The following PTPRD variants were observed in gnomAD, a reference collection of about 807,000 sequenced individuals.
PTPRD encodes the protein protein tyrosine phosphatase receptor type D.
In PTPRD, 34 loss-of-function variants were observed where a neutral mutation model predicts 214.5. That is an observed-to-expected ratio of 0.16 (90% CI 0.12 to 0.21). The LOEUF is 0.21. Ranked by LOEUF, PTPRD falls within the 10% of genes least tolerant of loss-of-function variation. The pLI, the probability that PTPRD is intolerant of heterozygous loss-of-function variation, is 1.00. For missense variants in PTPRD, 2,545 were observed against 2,398.7 expected (o/e 1.06, Z -1.27); for synonymous variants, 1,128 against 845.7 (o/e 1.33, Z -5.79).
chr9:9,318,450 A>T (rs1231785731), intron 9 of PTPRD, among the ~76,000 whole-genome samples: 1 of 152,138 alleles, frequency 6.6e-6, no homozygotes, highest in East Asian at 1.9e-4. Context: ...CATAGTTTGA[A>T]GTAATGGTAT....
At chr9:9,829,189 T>C (rs549856571) in intron 5 of PTPRD, among the ~76,000 whole-genome samples, 3 of 151,976 alleles carry the variant, frequency 2.0e-5, no homozygotes, top group African/African-American at 7.2e-5. Flanking sequence ...TGAATTCAAA[T>C]TGGTGTTGAC....
intron 4 of PTPRD, among the ~76,000 whole-genome samples, chr9:9,973,083 T>G (rs898637263): frequency 3.0e-4 from 46 of 152,138 alleles, no homozygotes; most frequent in African/African-American, 1.0e-3. Context: ...AGTCTAGAAT[T>G]TAGTTACTCC....
At chr9:8,693,955 A>T (rs545800254) in intron 12 of PTPRD, among the ~76,000 whole-genome samples, 1 of 152,220 alleles carries the variant, frequency 6.6e-6, no homozygotes, top group African/African-American at 2.4e-5. Context: ...AGATGTTTTA[A>T]TAATTTAAAA....
At chr9:9,806,472 C>T (rs190476614) in intron 5 of PTPRD, among the ~76,000 whole-genome samples, 15 of 152,056 alleles carry the variant, frequency 9.9e-5, no homozygotes, top group Admixed American at 2.0e-4. Flanking sequence ...ACACCCTCCC[C>T]GCCCTTGTGA....
intron 3 of PTPRD, among the ~76,000 whole-genome samples, chr9:10,172,887 C>G (rs976663282): frequency 6.6e-6 from 1 of 152,020 alleles, no homozygotes; most frequent in East Asian, 1.9e-4. Flanking sequence ...GATGGATGAA[C>G]CTTACAGAGG....
chr9:9,521,896 G>A (rs766725043), intron 8 of PTPRD, among the ~76,000 whole-genome samples: 2 of 152,042 alleles, frequency 1.3e-5, no homozygotes, highest in Non-Finnish European at 2.9e-5. Context: ...AGTGGCTCAC[G>A]CCTGTAATCC....
At chr9:8,927,674 G>A (rs566146418) in intron 11 of PTPRD, among the ~76,000 whole-genome samples, 1 of 152,280 alleles carries the variant, frequency 6.6e-6, no homozygotes, top group African/African-American at 2.4e-5. Context: ...ACATATGTGT[G>A]CATGTGTCTT....
At chr9:10,509,509 C>G (rs2047237819) in intron 2 of PTPRD, among the ~76,000 whole-genome samples, 1 of 137,932 alleles carries the variant, frequency 7.2e-6, no homozygotes, top group Admixed American at 7.5e-5. Context: ...ATCTAATGAT[C>G]ATTATAGCTG....
chr9:9,498,392 A>AT (rs1270039734), intron 8 of PTPRD, among the ~76,000 whole-genome samples: 2 of 152,120 alleles, frequency 1.3e-5, no homozygotes, highest in South Asian at 2.1e-4. Context: ...CCATGCTGTA[A>AT]TTTAAATCCA....
intron 10 of PTPRD, among the ~76,000 whole-genome samples, chr9:9,041,626 T>C (rs2099640123): frequency 6.6e-6 from 1 of 152,176 alleles, no homozygotes; most frequent in African/African-American, 2.4e-5. Context: ...AACAGAACTA[T>C]ACCCTGAGGA....
intron 12 of PTPRD, among the ~76,000 whole-genome samples, chr9:8,712,192 T>G (rs77641337): frequency 6.6e-6 from 1 of 152,156 alleles, no homozygotes; most frequent in Admixed American, 6.6e-5. Flanking sequence ...CATAACTATA[T>G]TGAAGGAGAC....
At chr9:9,775,116 G>A (rs2098786650) in intron 5 of PTPRD, among the ~76,000 whole-genome samples, 1 of 152,164 alleles carries the variant, frequency 6.6e-6, no homozygotes, top group Admixed American at 6.5e-5. Flanking sequence ...TCATCAGTCT[G>A]TAACAGGCAT....
At chr9:8,321,621 C>A (rs1364413139) in intron 44 of PTPRD, among the ~76,000 whole-genome samples, 1 of 149,920 alleles carries the variant, frequency 6.7e-6, no homozygotes, top group Admixed American at 6.7e-5. Flanking sequence ...ACACATAACA[C>A]ATTTATGTAC....
chr9:9,824,872 C>G (rs1054066848), intron 5 of PTPRD, among the ~76,000 whole-genome samples: 3 of 151,864 alleles, frequency 2.0e-5, no homozygotes, highest in African/African-American at 7.3e-5. Context: ...TGTCCAGGCA[C>G]AAAAATGAAA....
chr9:8,735,129 T>G (rs189566994), intron 11 of PTPRD, among the ~76,000 whole-genome samples: 18 of 144,894 alleles, frequency 1.2e-4, no homozygotes, highest in East Asian at 4.0e-4. Context: ...AATAATTTGG[T>G]TTTTTTTTGT....
intron 9 of PTPRD, among the ~76,000 whole-genome samples, chr9:9,322,463 G>C (rs1966917996): frequency 6.6e-6 from 1 of 152,172 alleles, no homozygotes; most frequent in South Asian, 2.1e-4. Context: ...AAGATGTGGA[G>C]TTTGATTTCA....
chr9:9,109,750 GA>G (rs1569544726), intron 10 of PTPRD, among the ~76,000 whole-genome samples: 1 of 152,012 alleles, frequency 6.6e-6, no homozygotes, highest in African/African-American at 2.4e-5. Flanking sequence ...ATCTTTCTGC[GA>G]ATGAAATAGA....
chr9:8,529,771 T>C (rs1444017944), intron 14 of PTPRD, among the ~76,000 whole-genome samples: 2 of 152,144 alleles, frequency 1.3e-5, no homozygotes, highest in African/African-American at 2.4e-5. Context: ...AATTAGAACA[T>C]GGCCATTTGT....
chr9:10,458,078 G>GA (rs2098931351), intron 2 of PTPRD, among the ~76,000 whole-genome samples: 1 of 151,886 alleles, frequency 6.6e-6, no homozygotes, highest in African/African-American at 2.4e-5. Context: ...TCCCAGGAAA[G>GA]AAAAACCCAG....
Sources: gnomAD v4.1 joint callset for allele counts (sites outside exome capture counted in the v4.1 genomes callset) on GRCh38, gnomAD v4.1.1 for gene constraint, MANE v1.5 for transcripts, NCBI Gene and HGNC (gene_info 2026-07-23, HGNC 2026-07-21) for gene names.